The following PAK1 variants were observed in gnomAD, a reference collection of about 807,000 sequenced individuals.
The protein encoded by PAK1 is p21 (RAC1) activated kinase 1, also known as serine/threonine-protein kinase PAK 1.
In PAK1, 29 loss-of-function variants were observed where a neutral mutation model predicts 67.4. The observed-to-expected ratio is 0.43, with a 90% CI of 0.32 to 0.59. The LOEUF is 0.59. Ranked by LOEUF, PAK1 falls within the 20% of genes least tolerant of loss-of-function variation. The pLI is 0.07. For synonymous variants in PAK1, 223 were observed against 237.4 expected (o/e 0.94, Z 0.56); for missense variants, 337 against 670.7 (o/e 0.50, Z 5.50).
intron 9 of PAK1, among the ~76,000 whole-genome samples, chr11:77,347,292 G>A (rs1289299678): frequency 6.6e-6 from 1 of 152,188 alleles, no homozygotes; most frequent in Non-Finnish European, 1.5e-5. Flanking sequence ...AGGCCTGAGA[G>A]GCCAGAAGGG....
chr11:77,483,983 G>T, the PAK1 span, among the ~76,000 whole-genome samples: 1 of 152,084 alleles, frequency 6.6e-6, no homozygotes, highest in African/African-American at 2.4e-5. Context: ...ATCTGATTCA[G>T]GTTAGATCAA....
intron 1 of PAK1, among the ~76,000 whole-genome samples, chr11:77,425,182 T>C (rs941319738): frequency 2.0e-5 from 3 of 152,126 alleles, no homozygotes; most frequent in Non-Finnish European, 4.4e-5. Context: ...AGGTCCACTG[T>C]GTCATCAAAG....
rs111634306 is a variant in PAK1 at position 77,324,462 on chromosome 11, C to T, written c.1552-1102G>A. ...TGCTGGGATAACAGGCATGAGCCAC[C>T]GTGCCTGGTCTAACAATTCCTTATG... On this transcript the variant is annotated intron_variant, in intron 14 of 14. Coordinates refer to ENST00000356341, the MANE Select transcript of PAK1 (RefSeq NM_002576.5). Among the ~76,000 whole-genome samples the T allele has an allele frequency of 8.7e-3, 1,328 of 152,162 alleles. 18 individuals carry two copies. Among genetic ancestry groups the T allele is most frequent in the Middle Eastern group, 0.034 (10 of 294 alleles).
chr11:77,443,457 C>T (rs1956454030), intron 1 of PAK1, among the ~76,000 whole-genome samples: 1 of 152,112 alleles, frequency 6.6e-6, no homozygotes, highest in African/African-American at 2.4e-5. Context: ...AACCCTTATC[C>T]AACTGTAATG....
chr11:77,420,178 G>C (rs2853089), intron 1 of PAK1, among the ~76,000 whole-genome samples: 4,180 of 152,218 alleles, frequency 0.027, 174 homozygotes, highest in East Asian at 0.17. Context: ...ATTTTTCATA[G>C]AGCTACTGAG....
chr11:77,484,462 C>T, the PAK1 span, among the ~76,000 whole-genome samples: 1 of 152,204 alleles, frequency 6.6e-6, no homozygotes, highest in Non-Finnish European at 1.5e-5. Context: ...GTACCCTCTA[C>T]TACAGAGACT....
At chr11:77,426,861 A>T (rs929659599) in intron 1 of PAK1, among the ~76,000 whole-genome samples, 14 of 146,330 alleles carry the variant, frequency 9.6e-5, no homozygotes, top group African/African-American at 3.5e-4. Context: ...AAAAAAAAAA[A>T]TTCGGTGCTA....
intron 1 of PAK1, among the ~76,000 whole-genome samples, chr11:77,425,271 CTT>C (rs142207968): frequency 1.4e-5 from 2 of 141,358 alleles, no homozygotes; most frequent in Non-Finnish European, 1.6e-5. Context: ...CAGGCTTTTG[CTT>C]TTTTTTTTTT....
intron 1 of PAK1, among the ~76,000 whole-genome samples, chr11:77,429,147 A>AACC (rs1955743265): frequency 6.7e-6 from 1 of 148,998 alleles, no homozygotes; most frequent in East Asian, 2.0e-4. Flanking sequence ...GTACAGGATG[A>AACC]ACCTAGAACA....
chr11:77,388,123 C>G (rs138499194), intron 2 of PAK1, among the ~76,000 whole-genome samples: 23 of 152,316 alleles, frequency 1.5e-4, no homozygotes, highest in African/African-American at 5.5e-4. Flanking sequence ...TGTATGTTTT[C>G]TACCTCTATG....
At chr11:77,502,655 G>A in the PAK1 span, among the ~76,000 whole-genome samples, 17 of 152,166 alleles carry the variant, frequency 1.1e-4, no homozygotes, top group African/African-American at 3.4e-4. Flanking sequence ...AGGCTTCTTC[G>A]CAGGAGCTTC....
intron 1 of PAK1, among the ~76,000 whole-genome samples, chr11:77,466,019 A>G (rs1190730163): frequency 6.6e-6 from 1 of 152,230 alleles, no homozygotes; most frequent in Non-Finnish European, 1.5e-5. Context: ...AGCCCCTCCA[A>G]CTATACCAAG....
chr11:77,429,056 T>A (rs1439090042), intron 1 of PAK1, among the ~76,000 whole-genome samples: 4 of 49,000 alleles, frequency 8.2e-5, no homozygotes, highest in African/African-American at 3.9e-4. Context: ...CATTTAATAC[T>A]AAAAAAAAAA....
intron 14 of PAK1, among the ~76,000 whole-genome samples, chr11:77,327,461 G>T (rs9666062): frequency 0.041 from 6,220 of 152,210 alleles, 413 homozygotes; most frequent in African/African-American, 0.14. Context: ...CAAGCCAGAA[G>T]AGAGTGGGGG....
At chr11:77,381,127 C>T (rs1949749972) in intron 2 of PAK1, among the ~76,000 whole-genome samples, 1 of 149,486 alleles carries the variant, frequency 6.7e-6, no homozygotes, top group African/African-American at 2.5e-5. Context: ...TTCACCTCTA[C>T]CTCACCACAG....
At chr11:77,405,274 G>A (rs888874508) in intron 1 of PAK1, among the ~76,000 whole-genome samples, 4 of 152,172 alleles carry the variant, frequency 2.6e-5, no homozygotes, top group Non-Finnish European at 5.9e-5. Context: ...AACTTTATAG[G>A]CCACAATAAA....
At chr11:77,523,021 G>A in the PAK1 span, among the ~76,000 whole-genome samples, 1 of 152,052 alleles carries the variant, frequency 6.6e-6, no homozygotes, top group Non-Finnish European at 1.5e-5. Flanking sequence ...CGAAACACTG[G>A]GTACACATGG....
intron 14 of PAK1, among the ~76,000 whole-genome samples, chr11:77,324,481 C>T (rs1054406559): frequency 6.6e-6 from 1 of 151,958 alleles, no homozygotes; most frequent in Non-Finnish European, 1.5e-5. Flanking sequence ...TCTAACAATT[C>T]CTTATGTAAT....
chr11:77,334,995 A>G (rs988507599), intron 13 of PAK1, among the ~76,000 whole-genome samples: 4 of 152,170 alleles, frequency 2.6e-5, no homozygotes, highest in African/African-American at 9.7e-5. Flanking sequence ...ATCTTAACCT[A>G]TCAATCACAT....
Sources: allele counts gnomAD v4.1 joint callset (sites outside exome capture counted in the v4.1 genomes callset), GRCh38; gene constraint gnomAD v4.1.1; transcripts MANE v1.5; gene names NCBI Gene and HGNC (gene_info 2026-07-23, HGNC 2026-07-21).